GRM8: variants seen among roughly 807,000 people sequenced by gnomAD.
The protein encoded by GRM8 is metabotropic glutamate receptor 8.
In GRM8, 47 loss-of-function variants were observed where a neutral mutation model predicts 87.2. The observed-to-expected ratio is 0.54, with a 90% CI of 0.43 to 0.69. GRM8 has a LOEUF of 0.69. GRM8 is among the 30% of genes least tolerant of loss of function. The probability of loss-of-function intolerance (pLI) is 0.00; values close to 1 mark genes in which losing one functional copy is unlikely to be tolerated. For synonymous variants in GRM8, 396 were observed against 404.5 expected (o/e 0.98, Z 0.25); for missense variants, 1,019 against 1,139.2 (o/e 0.89, Z 1.52).
intron 2 of GRM8, among the ~76,000 whole-genome samples, chr7:127,202,399 A>T (rs187282558): frequency 1.3e-5 from 2 of 152,260 alleles, no homozygotes; most frequent in Admixed American, 6.5e-5. Context: ...GGTGGTCTCG[A>T]ACTCCTGGAC....
intron 7 of GRM8, among the ~76,000 whole-genome samples, chr7:126,762,240 A>ATT (rs202234322): frequency 6.7e-6 from 1 of 150,302 alleles, no homozygotes; most frequent in East Asian, 1.9e-4. Flanking sequence ...ATAGGCATCT[A>ATT]TTTTTTTTTT....
chr7:126,921,089 C>A (rs1236776109), intron 3 of GRM8, among the ~76,000 whole-genome samples: 3 of 151,940 alleles, frequency 2.0e-5, no homozygotes, highest in African/African-American at 7.3e-5. Context: ...AAGTCAGGAA[C>A]CAAAGCAAAC....
At chr7:126,900,173 C>A (rs1156659903) in intron 6 of GRM8, among the ~76,000 whole-genome samples, 1 of 152,190 alleles carries the variant, frequency 6.6e-6, no homozygotes, top group African/African-American at 2.4e-5. Context: ...TTTTAGTGAA[C>A]TGTCTGTGGG....
chr7:127,151,058 CT>C (rs1303950337), intron 2 of GRM8, among the ~76,000 whole-genome samples: 15 of 151,994 alleles, frequency 9.9e-5, no homozygotes, highest in Admixed American at 9.8e-4. Flanking sequence ...ACTTTCCTTC[CT>C]TGGGGAACAA....
chr7:127,117,213 AG>A (rs1316039760), intron 2 of GRM8, among the ~76,000 whole-genome samples: 4 of 152,246 alleles, frequency 2.6e-5, no homozygotes, highest in Non-Finnish European at 4.4e-5. Context: ...GCTTTGGGAT[AG>A]GACTTCAAGC....
At chr7:126,564,459 A>T (rs1340982753) in intron 8 of GRM8, among the ~76,000 whole-genome samples, 7 of 152,364 alleles carry the variant, frequency 4.6e-5, no homozygotes, top group African/African-American at 1.7e-4. Flanking sequence ...AAAAGCAATT[A>T]TATTCAGATA....
intron 3 of GRM8, among the ~76,000 whole-genome samples, chr7:126,923,985 A>G (rs904371216): frequency 6.6e-6 from 1 of 152,146 alleles, no homozygotes; most frequent in Non-Finnish European, 1.5e-5. Context: ...TTTTTAATGT[A>G]TGGTAGACAC....
At chr7:126,935,021 T>C (rs1380912781) in intron 3 of GRM8, among the ~76,000 whole-genome samples, 2 of 152,222 alleles carry the variant, frequency 1.3e-5, no homozygotes, top group Non-Finnish European at 2.9e-5. Context: ...ATGTAAAGAA[T>C]GCAGAAAAAT....
chr7:127,184,326 G>T (rs1015901349), intron 2 of GRM8, among the ~76,000 whole-genome samples: 1 of 151,724 alleles, frequency 6.6e-6, no homozygotes, highest in African/African-American at 2.4e-5. Flanking sequence ...ATTTATTCTA[G>T]CTAGGCAAGG....
chr7:127,074,181 G>A (rs532942114), intron 3 of GRM8, among the ~76,000 whole-genome samples: 95 of 152,194 alleles, frequency 6.2e-4, no homozygotes, highest in African/African-American at 2.1e-3. Context: ...AATAATAGAA[G>A]GTAGCAATAA....
At chr7:126,583,127 G>A (rs1214960572) in intron 8 of GRM8, among the ~76,000 whole-genome samples, 4 of 152,090 alleles carry the variant, frequency 2.6e-5, no homozygotes, top group East Asian at 1.9e-4. Flanking sequence ...AGGCTAAGGC[G>A]GGTGGATGAC....
At chr7:126,474,732 A>G (rs1271182184) in intron 9 of GRM8, among the ~76,000 whole-genome samples, 3 of 152,150 alleles carry the variant, frequency 2.0e-5, no homozygotes, top group African/African-American at 4.8e-5. Context: ...CCTGCCTCAT[A>G]TAAGACTGGT....
At chr7:126,483,958 C>G (rs1328381280) in intron 9 of GRM8, among the ~76,000 whole-genome samples, 4 of 151,838 alleles carry the variant, frequency 2.6e-5, no homozygotes, top group Non-Finnish European at 5.9e-5. Flanking sequence ...TTCCAAAACC[C>G]TTATAACCAG....
chr7:126,528,614 T>TTGTGTG (rs59437677), intron 9 of GRM8, among the ~76,000 whole-genome samples: 3,032 of 149,178 alleles, frequency 0.02, 63 homozygotes, highest in African/African-American at 0.055. Flanking sequence ...ACAAAAGAAG[T>TTGTGTG]TGTGTGTGTG....
At chr7:126,713,072 T>C (rs150883953) in intron 7 of GRM8, among the ~76,000 whole-genome samples, 1,545 of 152,228 alleles carry the variant, frequency 0.01, 29 homozygotes, top group African/African-American at 0.035. Context: ...GAAATACCAT[T>C]TGACCCAGTA....
intron 7 of GRM8, among the ~76,000 whole-genome samples, chr7:126,653,779 T>C (rs1346651932): frequency 6.6e-6 from 1 of 152,268 alleles, no homozygotes; most frequent in Admixed American, 6.5e-5. Context: ...TAGTGTTGTT[T>C]TCTTTCTCAT....
chr7:127,104,729 T>A (rs1563512363), intron 3 of GRM8, among the ~76,000 whole-genome samples: 1 of 152,214 alleles, frequency 6.6e-6, no homozygotes, highest in Non-Finnish European at 1.5e-5. Context: ...TCTCCCATGC[T>A]AATGACTATG....
At chr7:126,517,959 G>A (rs1467854511) in intron 9 of GRM8, among the ~76,000 whole-genome samples, 1 of 151,942 alleles carries the variant, frequency 6.6e-6, no homozygotes, top group Admixed American at 6.6e-5. Context: ...AATTACAAAA[G>A]TACTTTAAAG....
At chr7:126,735,814 G>A (rs1814148441) in intron 7 of GRM8, among the ~76,000 whole-genome samples, 1 of 152,138 alleles carries the variant, frequency 6.6e-6, no homozygotes, top group East Asian at 1.9e-4. Context: ...GAGACAGATG[G>A]AGACAATGTG....
Sources: gnomAD v4.1 joint callset for allele counts (sites outside exome capture counted in the v4.1 genomes callset) on GRCh38, gnomAD v4.1.1 for gene constraint, MANE v1.5 for transcripts, NCBI Gene and HGNC (gene_info 2026-07-23, HGNC 2026-07-21) for gene names.